Variants in TAF1A observed in about 807,000 individuals in gnomAD.
TAF1A encodes TATA-box binding protein associated factor, RNA polymerase I subunit A.
Under a neutral mutation model 61.6 loss-of-function variants are expected in TAF1A, and 42 were observed. The ratio of observed to expected loss-of-function variants is 0.68; its 90% CI spans 0.53 to 0.88. TAF1A has a LOEUF of 0.88. Among genes scored for constraint, TAF1A ranks in the 40% least tolerant of loss-of-function variants. The probability of loss-of-function intolerance (pLI) is 0.00; values close to 1 mark genes in which losing one functional copy is unlikely to be tolerated. For missense variants in TAF1A, 424 were observed against 518.7 expected, an observed-to-expected ratio of 0.82 and a Z score of 1.77; for synonymous variants, 179 against 177.7, an observed-to-expected ratio of 1.01 and a Z score of -0.06.
chr1:222,557,259 T>G (rs956932611), downstream of TAF1A, among the ~76,000 whole-genome samples: 2 of 152,194 alleles, frequency 1.3e-5, no homozygotes, highest in African/African-American at 4.8e-5. Context: ...GAAGAAGCAC[T>G]TATTCTACCA....
At chr1:222,580,055 A>G (rs1224709250) in intron 3 of TAF1A, among the ~76,000 whole-genome samples, 183 bp from the exon 4 acceptor site, 1 of 152,244 alleles carries the variant, frequency 6.6e-6, no homozygotes, top group African/African-American at 2.4e-5. Context: ...GTGATAGAAT[A>G]GTTTTAACCT....
At chr1:222,555,816 G>T (rs1442388085), downstream of TAF1A, among the ~76,000 whole-genome samples, 1 of 152,044 alleles carries the variant, frequency 6.6e-6, no homozygotes, top group Non-Finnish European at 1.5e-5. Flanking sequence ...CAAAACATCA[G>T]GTTGTACATC....
chr1:222,571,186 C>G (rs904135467), intron 5 of TAF1A, among the ~76,000 whole-genome samples: 6 of 151,992 alleles, frequency 3.9e-5, no homozygotes, highest in African/African-American at 1.2e-4. Context: ...ACACAATAAC[C>G]CTTCATGATA....
rs1427090620 is a variant in TAF1A at position 222,580,010 on chromosome 1, T to TAC, written c.292-140_292-139dup. ...GACCACTACCGTCAACATTTTACTCTACTTTGCCATGTAAAATTAATACTA... is the reference window on the plus strand; with the variant it reads ...GACCACTACCGTCAACATTTTACTCTACACTTTGCCATGTAAAATTAATACTA... On this transcript the variant is annotated intron_variant, in intron 3 of 10. Coordinates refer to ENST00000352967, the MANE Select transcript of TAF1A (RefSeq NM_005681.4). 4.5e-5 allele frequency: 44 copies of TAC among 969,820 alleles called. No homozygotes were observed. In the Admixed American group the frequency reaches 1.2e-3, roughly 28 times the overall value. 60.1% of individuals were successfully genotyped at this position (969,820 alleles called of 1,614,324 possible).
At chr1:222,571,465 C>A (rs1384514438) in intron 5 of TAF1A, among the ~76,000 whole-genome samples, 1 of 151,950 alleles carries the variant, frequency 6.6e-6, no homozygotes, top group Non-Finnish European at 1.5e-5. Context: ...ATGACATGGT[C>A]TTGTACACAG....
chr1:222,570,685 C>T lies in TAF1A; in HGVS notation c.605-20G>A. On this transcript the variant is annotated intron_variant, in intron 5 of 10. Coordinates refer to ENST00000352967, the MANE Select transcript of TAF1A (RefSeq NM_005681.4). The stretch of plus-strand genomic sequence containing the variant: ...CCTTATCTGCCCAAAGATACAAGAT[C>T]TTTTAACATTCATTAAACATTGAGG... 6.4e-7 allele frequency: 1 copy of T among 1,563,874 alleles called. No individual in the cohort carries two copies. Among genetic ancestry groups the T allele is most frequent in the Non-Finnish European group, 8.7e-7 (1 of 1,149,624 alleles).
downstream of TAF1A, among the ~76,000 whole-genome samples, chr1:222,554,270 G>A (rs1476539626): frequency 6.6e-6 from 1 of 152,174 alleles, no homozygotes; most frequent in East Asian, 1.9e-4. Context: ...GTATCACTAT[G>A]GGACTGACGG....
At chr1:222,569,247 A>T in intron 7 of TAF1A, 4 of 1,280,916 alleles carry the variant, frequency 3.1e-6, no homozygotes, top group Non-Finnish European at 3.0e-6. Context: ...TTGATTTTCA[A>T]AAAATATCAG....
chr1:222,571,818 G>A (rs539473145), intron 5 of TAF1A, among the ~76,000 whole-genome samples: 22 of 152,110 alleles, frequency 1.4e-4, no homozygotes, highest in African/African-American at 4.6e-4. Flanking sequence ...TCAAAAACTC[G>A]GCCTTTTTGC....
intron 5 of TAF1A, among the ~76,000 whole-genome samples, chr1:222,571,877 AAAG>A (rs1660367362): frequency 6.6e-6 from 1 of 152,184 alleles, no homozygotes; most frequent in South Asian, 2.1e-4. Context: ...GCAAGGGACC[AAAG>A]AAGAACAAAG....
At chr1:222,563,963 G>C (rs1332293770) in intron 8 of TAF1A, 96 bp downstream of exon 8, 10 of 732,112 alleles carry the variant, frequency 1.4e-5, no homozygotes, top group Non-Finnish European at 2.1e-5. Context: ...TATAAAATCA[G>C]GAAAGGGGTG....
chr1:222,554,559 A>AGGTACTGTAAATATC (rs2102629528), downstream of TAF1A, among the ~76,000 whole-genome samples: 1 of 152,332 alleles, frequency 6.6e-6, no homozygotes, highest in Non-Finnish European at 1.5e-5. Context: ...CTGTAAATAT[A>AGGTACTGTAAATATC]GGTAAATAAC....
At chr1:222,561,612 C>T in intron 9 of TAF1A, 94 bp from the exon 10 acceptor site, 25 of 1,248,880 alleles carry the variant, frequency 2.0e-5, no homozygotes, top group Non-Finnish European at 2.7e-5. Context: ...AGAAAGATGA[C>T]AAGGAAGATG....
chr1:222,557,612 G>C (rs1359429214), downstream of TAF1A, among the ~76,000 whole-genome samples: 1 of 124,690 alleles, frequency 8.0e-6, no homozygotes, highest in African/African-American at 3.0e-5. Context: ...CACCAAGCCC[G>C]GCTAATTTTT....
At position 222,569,535 on chromosome 1, in the gene TAF1A, C is replaced by G. The variant is rs369600514; in HGVS notation, c.869G>C (p.Arg290Thr). ...CTTAAGCACACTTATCAATTTTGAT[C>G]TTGGTGCCTTCTGTCTCTTTAGAAA... is the stretch of plus-strand genomic sequence containing the variant. ...YNFLKRQKAP[R>T]SKLISVLKIL... is the part of the protein sequence containing the mutation. The change falls in exon 7 of 11, where the codon AGA becomes ACA. Residue 290 changes from arginine (R) to threonine (T), a missense_variant. Coordinates refer to ENST00000352967, the MANE Select transcript of TAF1A (RefSeq NM_005681.4). The G allele has an allele frequency of 3.2e-5, 51 of 1,613,788 alleles. No individual in the cohort carries two copies. Among genetic ancestry groups the G allele is most frequent in the Middle Eastern group, 1.6e-4 (1 of 6,084 alleles).
At chr1:222,574,725 A>G (rs930747339) in intron 5 of TAF1A, among the ~76,000 whole-genome samples, 1 of 152,242 alleles carries the variant, frequency 6.6e-6, no homozygotes, top group Admixed American at 6.5e-5. Context: ...GCAAGGCCTA[A>G]AAGAATATAT....
intron 3 of TAF1A, among the ~76,000 whole-genome samples, chr1:222,580,642 T>C (rs1660748451): frequency 1.3e-5 from 2 of 152,216 alleles, no homozygotes; most frequent in African/African-American, 4.8e-5. Context: ...ATCCTCATCT[T>C]CCCAACTCAG....
At chr1:222,579,967 T>C in intron 3 of TAF1A, 95 bp from the exon 4 acceptor site, 1 of 1,416,866 alleles carries the variant, frequency 7.1e-7, no homozygotes. Context: ...ATTAATAACC[T>C]GTGATTCCTT....
Position 222,579,906 on chromosome 1 carries a change from A to AT in TAF1A, c.292-35dup, listed in dbSNP as rs1660719304. On this transcript the variant is annotated intron_variant, in intron 3 of 10. Coordinates refer to ENST00000352967, the MANE Select transcript of TAF1A (RefSeq NM_005681.4). ...GCAGAAATTACTGCCAAAATGTAAA[A>AT]TTTTTGCCTTAACCAATTTCTGTCT... The AT allele has an allele frequency of 1.9e-6, 3 of 1,581,726 alleles. No individual in the cohort carries two copies. The East Asian group carries it at 6.8e-5, about 36-fold the overall frequency.
Sources: allele counts gnomAD v4.1 joint callset (sites outside exome capture counted in the v4.1 genomes callset), GRCh38; gene constraint gnomAD v4.1.1; transcripts MANE v1.5; gene names NCBI Gene and HGNC (gene_info 2026-07-23, HGNC 2026-07-21).